Variants in FASTKD2 observed in about 807,000 individuals in gnomAD.
FASTKD2 encodes the protein FAST kinase domains 2.
FASTKD2 carries 51 observed loss-of-function variants against 63.6 expected under a neutral mutation model. The observed-to-expected ratio is 0.80, with a 90% CI of 0.64 to 1.01. The LOEUF (loss-of-function observed/expected upper bound fraction) is 1.01. Ranked by LOEUF, FASTKD2 falls within the 50% of genes least tolerant of loss-of-function variation. FASTKD2 has a pLI of 0.00. For missense variants in FASTKD2, 786 were observed against 831.1 expected (o/e 0.95, Z 0.67); for synonymous variants, 284 against 293.4 (o/e 0.97, Z 0.33).
Position 206,772,226 on chromosome 2 carries a change from A to C in FASTKD2, c.1160A>C (p.Gln387Pro). 6.2e-7 allele frequency: 1 copy of C among 1,613,082 alleles called. No individual in the cohort carries two copies. Among genetic ancestry groups the C allele is most frequent in the Non-Finnish European group, 8.5e-7 (1 of 1,178,988 alleles). ...TTAAGAATAATGATCAACATATTGC[A>C]GTCCTGCAAAGACCTCCAGTACCAT... The part of the protein sequence containing the change: ...CPLRIMINIL[Q>P]SCKDLQYHNL... The change falls in exon 6 of 12, where the codon CAG (glutamine) becomes CCG (proline). Residue 387 changes from glutamine to proline, a missense_variant. Coordinates refer to ENST00000402774, the MANE Select transcript of FASTKD2 (RefSeq NM_001136193.2).
rs1351091772 is a variant in FASTKD2, at chr2:206,788,163, A to G, written c.1813+8A>G. The G allele has an allele frequency of 2.0e-6, 3 of 1,526,576 alleles. No individual in the cohort carries two copies. The allele number at this position is 1,526,576 out of a possible 1,614,324, so 94.6% of individuals were successfully genotyped here. A position where few individuals can be genotyped will look rare whatever the true frequency, so the allele number is the denominator to read the frequency against. On this transcript the variant is annotated splice_region_variant and intron_variant, in intron 9 of 11. Transcript: ENST00000402774. Reference sequence around the variant, plus strand: ...CACACAATTATCATATTGGTATGGGACATTATATGATTTCCTTTCATTTTA... The same window carrying G: ...CACACAATTATCATATTGGTATGGGGCATTATATGATTTCCTTTCATTTTA...
At chr2:206,781,690 T>C (rs75697454) in intron 7 of FASTKD2, among the ~76,000 whole-genome samples, 17 of 129,358 alleles carry the variant, frequency 1.3e-4, no homozygotes, top group South Asian at 1.0e-3. Flanking sequence ...TTTTTTTTTT[T>C]CCAGTATCAG....
At chr2:206,790,315 T>TA in intron 10 of FASTKD2, 1 of 400,740 alleles carries the variant, frequency 2.5e-6, no homozygotes, top group South Asian at 2.5e-5. Flanking sequence ...AAAATTTTCC[T>TA]CTTCAAAAAT....
chr2:206,783,542 A>G (rs1202007212), intron 7 of FASTKD2, among the ~76,000 whole-genome samples: 2 of 152,094 alleles, frequency 1.3e-5, no homozygotes, highest in Non-Finnish European at 2.9e-5. Context: ...TAGACAAATA[A>G]TATCAAGCTA....
Position 206,793,214 on chromosome 2 carries a change from C to A in FASTKD2, c.*1412C>A. Reference sequence around the variant, plus strand: ...TCCAGCCTGACCACAGAGCGAGACTCTGTCTCAAAAAAAAAAAAAAAAAAA... The same window carrying A: ...TCCAGCCTGACCACAGAGCGAGACTATGTCTCAAAAAAAAAAAAAAAAAAA... On this transcript the variant is annotated 3_prime_UTR_variant, in exon 12 of 12. Transcript: ENST00000402774. 1.1e-5 allele frequency among the ~76,000 whole-genome samples: 1 copy of A among 93,396 alleles called. No individual in the cohort carries two copies. Among genetic ancestry groups the A allele is most frequent in the Non-Finnish European group, 1.8e-5 (1 of 54,438 alleles). 61.3% of individuals were successfully genotyped at this position (93,396 alleles called of 152,430 possible).
chr2:206,772,310 AGTT>A lies in FASTKD2; in HGVS notation c.1245_1247del (p.Lys415_Phe416delinsAsn). 6.2e-7 allele frequency: 1 copy of A among 1,613,956 alleles called. No homozygotes were observed. ...GTGGCTGCAACTTTCGACATCTGGAAGTTCAGAAAAGTGAGTACATTAACAATT... is the reference window on the plus strand; with the variant it reads ...GTGGCTGCAACTTTCGACATCTGGAACAGAAAAGTGAGTACATTAACAATT... On this transcript the variant is annotated inframe_deletion, in exon 6 of 12. Coordinates refer to ENST00000402774, the MANE Select transcript of FASTKD2 (RefSeq NM_001136193.2).
At chr2:206,772,070 CTA>C in intron 5 of FASTKD2, 53 bp downstream of exon 5, 1 of 1,606,298 alleles carries the variant, frequency 6.2e-7, no homozygotes, top group East Asian at 2.2e-5. Context: ...CTGTTTTAGA[CTA>C]TTTTTGTTTT....
intron 11 of FASTKD2, 151 bp from the exon 12 acceptor site, chr2:206,791,529 CTTA>C (rs1232376550): frequency 3.0e-6 from 2 of 676,442 alleles, no homozygotes; most frequent in Admixed American, 4.9e-5. Flanking sequence ...AGCATGTAGT[CTTA>C]TTATGCCTTT....
chr2:206,790,558 AT>A lies in FASTKD2; in HGVS notation c.1899-9del. The stretch of plus-strand genomic sequence containing the variant: ...ATCAATAACTGTTCTTGTTTTGTTT[AT>A]TTTTGTTTTCAGAGTAGCTGTGCTA... On this transcript the variant is annotated splice_polypyrimidine_tract_variant and intron_variant, in intron 10 of 11. Coordinates refer to ENST00000402774, the MANE Select transcript of FASTKD2 (RefSeq NM_001136193.2). 2 of 1,463,798 alleles carry A rather than the reference AT, an allele frequency of 1.4e-6. No homozygotes were observed. Among genetic ancestry groups the A allele is most frequent in the Non-Finnish European group, 1.9e-6 (2 of 1,043,670 alleles). 90.7% of individuals were successfully genotyped at this position (1,463,798 alleles called of 1,614,324 possible). A position where few individuals can be genotyped will look rare whatever the true frequency, so the allele number is the denominator to read the frequency against.
At position 206,773,303 on chromosome 2, in the gene FASTKD2, C is replaced by CA. The variant is rs536835697; in HGVS notation, c.1255-918dup. Among the ~76,000 whole-genome samples the CA allele has an allele frequency of 5.5e-3, 316 of 57,784 alleles. 2 individuals carry two copies. Among genetic ancestry groups the CA allele is most frequent in the African/African-American group, 0.02 (297 of 15,116 alleles). The allele number at this position is 57,784 out of a possible 152,430, so 37.9% of individuals were successfully genotyped here. On this transcript the variant is annotated intron_variant, in intron 6 of 11. Coordinates refer to ENST00000402774, the MANE Select transcript of FASTKD2 (RefSeq NM_001136193.2). ...GTACTCCAGCCTGGGCAATAAAGAT[C>CA]AAAACTCTGTCTCAAAAAAAAAAAA...
chr2:206,769,397 G>C (rs912633310), intron 2 of FASTKD2, among the ~76,000 whole-genome samples: 5 of 152,138 alleles, frequency 3.3e-5, no homozygotes, highest in Admixed American at 1.3e-4. Flanking sequence ...GTGATTTTTT[G>C]TGAGGTTTAT....
chr2:206,791,346 A>T (rs1574677305), intron 11 of FASTKD2: 1 of 288,662 alleles, frequency 3.5e-6, no homozygotes, highest in African/African-American at 2.2e-5. Flanking sequence ...CGTGTGGACT[A>T]TTGAGATTAA....
At chr2:206,787,596 C>T (rs28504264) in intron 8 of FASTKD2, among the ~76,000 whole-genome samples, 1,848 of 152,240 alleles carry the variant, frequency 0.012, 30 homozygotes, top group African/African-American at 0.042. Context: ...CAGCCTTGAA[C>T]CTTGGAAACC....
At chr2:206,772,654 C>T (rs1689716826) in intron 6 of FASTKD2, among the ~76,000 whole-genome samples, 2 of 152,300 alleles carry the variant, frequency 1.3e-5, no homozygotes, top group East Asian at 3.9e-4. Context: ...TCTTTTCATG[C>T]TGAGCAGTGG....
intron 2 of FASTKD2, among the ~76,000 whole-genome samples, chr2:206,767,912 T>C (rs1412160093): frequency 3.3e-5 from 5 of 152,248 alleles, no homozygotes; most frequent in Non-Finnish European, 5.9e-5. Flanking sequence ...CATGCCCTAC[T>C]GTTCCCAGAG....
chr2:206,789,187 ACTAT>A (rs953612278), intron 10 of FASTKD2: 11 of 368,794 alleles, frequency 3.0e-5, no homozygotes, highest in Non-Finnish European at 5.0e-5. Context: ...TATAATTGAA[ACTAT>A]CAATGCAGTG....
chr2:206,766,842 A>G lies in FASTKD2; in HGVS notation c.149A>G (p.Lys50Arg), dbSNP rs141447598. The G allele has an allele frequency of 4.0e-3, 6,406 of 1,609,052 alleles. 15 individuals are homozygous for G. Among genetic ancestry groups the G allele is most frequent in the Non-Finnish European group, 4.8e-3 (5,709 of 1,177,198 alleles). The change falls in exon 2 of 12, where the codon AAA (lysine) becomes AGA (arginine). Residue 50 changes from lysine (K) to arginine (R), a missense_variant. Lys to Arg is a conservative substitution (Grantham distance 26, BLOSUM62 2). Coordinates refer to ENST00000402774, the MANE Select transcript of FASTKD2 (RefSeq NM_001136193.2). ...TMRLCCLGLC[K>R]PKIVHSNWNI... ...AGGCTATGTTGTTTGGGACTTTGCA[A>G]ACCAAAAATAGTTCATTCAAACTGG...
chr2:206,767,379 A>C lies in FASTKD2; in HGVS notation c.686A>C (p.Tyr229Ser). 6.2e-7 allele frequency: 1 copy of C among 1,613,940 alleles called. No homozygotes were observed. The highest frequency in any genetic ancestry group is 8.5e-7 in the Non-Finnish European group (1 of 1,179,958). ...ATGAGAGAAGCCAAGATCATGCAGT[A>C]TAAGTACCTACTGTTCAGTCTTCAC... ...HMMREAKIMQYKYLLFSLHAI... is the reference protein window; with the variant it reads ...HMMREAKIMQSKYLLFSLHAI... The change falls in exon 2 of 12, where the codon TAT (tyrosine) becomes TCT (serine). Residue 229 changes from tyrosine (Y) to serine (S), a missense_variant. Coordinates refer to ENST00000402774, the MANE Select transcript of FASTKD2 (RefSeq NM_001136193.2).
chr2:206,769,453 T>C (rs1689608679), intron 2 of FASTKD2, among the ~76,000 whole-genome samples: 1 of 152,236 alleles, frequency 6.6e-6, no homozygotes, highest in South Asian at 2.1e-4. Flanking sequence ...AGCTGTGTTG[T>C]TACTATTCAC....
Sources: gnomAD v4.1 joint callset for allele counts (sites outside exome capture counted in the v4.1 genomes callset) on GRCh38, gnomAD v4.1.1 for gene constraint, MANE v1.5 for transcripts, NCBI Gene and HGNC (gene_info 2026-07-23, HGNC 2026-07-21) for gene names.